Variants in ARRDC4 observed in about 807,000 individuals in gnomAD.
ARRDC4 encodes the protein arrestin domain containing 4, also known as arrestin domain-containing protein 4.
Under a neutral mutation model 44.6 loss-of-function variants are expected in ARRDC4, and 40 were observed. That is an observed-to-expected ratio of 0.90 (90% CI 0.70 to 1.17). The LOEUF (loss-of-function observed/expected upper bound fraction) is 1.17. ARRDC4 is among the 50% of genes most tolerant of loss of function. The pLI is 0.00. For missense variants in ARRDC4, 550 were observed against 559.1 expected, an observed-to-expected ratio of 0.98 and a Z score of 0.16; for synonymous variants, 211 against 221.2, an observed-to-expected ratio of 0.95 and a Z score of 0.41.
At chr15:97,971,096 T>TTTATTAA (rs1396280278) in intron 7 of ARRDC4, 35 bp from the exon 8 acceptor site, 2 of 1,606,908 alleles carry the variant, frequency 1.2e-6, no homozygotes, top group Non-Finnish European at 1.7e-6. Context: ...TAAATAATGC[T>TTTATTAA]ACAACACTAA....
Position 97,960,737 on chromosome 15 carries a change from T to A in ARRDC4, c.-125T>A. ...CTCGGCGAGCCGGTGCCCCATCGGG[T>A]ACCGCACGGCTGCCGCGGCGGCCTT... On this transcript the variant is annotated 5_prime_UTR_variant, in exon 1 of 8. Transcript: ENST00000268042. 2 of 852,526 alleles carry A rather than the reference T, an allele frequency of 2.3e-6. No homozygotes were observed. Among genetic ancestry groups the A allele is most frequent in the Non-Finnish European group, 3.1e-6 (2 of 639,572 alleles). The allele number at this position is 852,526 out of a possible 1,614,324, so 52.8% of individuals were successfully genotyped here.
In ARRDC4 at chr15:97,968,502, A is replaced by G. The variant is rs905591828; in HGVS notation, c.625+386A>G. Among the ~76,000 whole-genome samples, 13 of 152,350 alleles carry G rather than the reference A, an allele frequency of 8.5e-5. No individual in the cohort carries two copies. The highest frequency in any genetic ancestry group is 1.8e-4 in the Non-Finnish European group (12 of 68,034). The stretch of plus-strand genomic sequence containing the variant: ...ATGCTGGCTTGATATATGCAAATGC[A>G]TGGGACTGGAATGTAGTGTATTAAC... On this transcript the variant is annotated intron_variant, in intron 4 of 7. Transcript: ENST00000268042. The surrounding 1 kb of genome is among the most constrained non-coding windows in gnomAD (Gnocchi z 5.4).
Position 97,961,165 on chromosome 15 carries a change from G to T in ARRDC4, c.304G>T (p.Ala102Ser). 7.0e-7 allele frequency: 1 copy of T among 1,429,314 alleles called. No individual in the cohort carries two copies. The highest frequency in any genetic ancestry group is 9.1e-7 in the Non-Finnish European group (1 of 1,102,312). 88.5% of individuals were successfully genotyped at this position (1,429,314 alleles called of 1,614,324 possible). A position where few individuals can be genotyped will look rare whatever the true frequency, so the allele number is the denominator to read the frequency against. Residue 102 changes from alanine (A) to serine (S), a missense_variant, in exon 1 of 8, where the codon GCC (alanine) becomes TCC (serine). By Grantham distance (99) the Ala-to-Ser change is moderately conservative (BLOSUM62 1). Transcript: ENST00000268042. ...GCGCCTCAGCCTGCGGGAGCCCCCG[G>T]CCGGTAAGCGCAGGCGAGCGCCTGG... ...NVRLSLREPP[A>S]GEGIILLQPG...
rs567038248 is a variant in ARRDC4 at position 97,967,926 on chromosome 15, C to T, written c.523-88C>T. On this transcript the variant is annotated intron_variant, in intron 3 of 7. Transcript: ENST00000268042. This position sits in a 1 kb window ranked among gnomAD's most constrained non-coding sequence, Gnocchi z 5.0. ...CATTTTTTTGGTATTTCCTTACAAC[C>T]ATTCTGTGAAGATAGATATAATTTT... 3.3e-5 allele frequency: 26 copies of T among 798,406 alleles called. No individual in the cohort carries two copies. The highest frequency in any genetic ancestry group is 4.8e-5 in the Non-Finnish European group (25 of 524,472). 49.5% of individuals were successfully genotyped at this position (798,406 alleles called of 1,614,324 possible). A position where few individuals can be genotyped will look rare whatever the true frequency, so the allele number is the denominator to read the frequency against.
intron 1 of ARRDC4, among the ~76,000 whole-genome samples, chr15:97,961,852 CT>C (rs995670894): frequency 6.6e-6 from 1 of 152,136 alleles, no homozygotes; most frequent in Non-Finnish European, 1.5e-5. Context: ...CTCAAAATGC[CT>C]TTAGAGACAA....
At position 97,960,751 on chromosome 15, in the gene ARRDC4, C is replaced by G. The variant is rs964678771; in HGVS notation, c.-111C>G. 1 of 998,724 alleles carries G rather than the reference C, an allele frequency of 1.0e-6. No individual in the cohort carries two copies. Among genetic ancestry groups the G allele is most frequent in the East Asian group, 3.4e-5 (1 of 29,642 alleles). The allele number at this position is 998,724 out of a possible 1,614,324, so 61.9% of individuals were successfully genotyped here. ...GCCCCATCGGGTACCGCACGGCTGCCGCGGCGGCCTTACCCTGCCGCGAGC... is the reference window on the plus strand; with the variant it reads ...GCCCCATCGGGTACCGCACGGCTGCGGCGGCGGCCTTACCCTGCCGCGAGC... On this transcript the variant is annotated 5_prime_UTR_variant, in exon 1 of 8. Transcript: ENST00000268042.
At chr15:97,964,697 T>C (rs1378714950) in intron 1 of ARRDC4, among the ~76,000 whole-genome samples, 1 of 152,204 alleles carries the variant, frequency 6.6e-6, no homozygotes, top group East Asian at 1.9e-4. Flanking sequence ...GTAAAGCCCT[T>C]TCTGTATTCC....
At position 97,967,828 on chromosome 15, in the gene ARRDC4, G is replaced by A. The variant is rs1899443085; in HGVS notation, c.523-186G>A. Among the ~76,000 whole-genome samples the A allele has an allele frequency of 6.6e-6, 1 of 151,970 alleles. No homozygotes were observed. The highest frequency in any genetic ancestry group is 2.4e-5 in the African/African-American group (1 of 41,398). ...AAAATTCACTGTAGTTTTCCTAAAA[G>A]GGGAGTCTTAACACCCTGTGTTTTT... On this transcript the variant is annotated intron_variant, in intron 3 of 7. Coordinates refer to ENST00000268042, the MANE Select transcript of ARRDC4 (RefSeq NM_183376.3). This position sits in a 1 kb window ranked among gnomAD's most constrained non-coding sequence, Gnocchi z 5.0.
rs117226570 is a variant in ARRDC4 at position 97,963,204 on chromosome 15, G to C, written c.307+2036G>C. Among the ~76,000 whole-genome samples the C allele has an allele frequency of 5.9e-3, 891 of 152,286 alleles. 9 individuals carry two copies. Among genetic ancestry groups the C allele is most frequent in the Admixed American group, 0.011 (169 of 15,302 alleles). On this transcript the variant is annotated intron_variant, in intron 1 of 7. Transcript: ENST00000268042. ...TTTGGCTGTAAGGCCATTAGTGATT[G>C]AAACATCTTCCTGTGACTTTGTAGT...
chr15:97,969,503 G>A (rs1423689661), intron 5 of ARRDC4, 124 bp downstream of exon 5: 2 of 1,099,648 alleles, frequency 1.8e-6, no homozygotes, highest in African/African-American at 1.6e-5. Context: ...ACCAATTGGG[G>A]ACTGTATGAA....
chr15:97,970,477 G>A lies in ARRDC4; in HGVS notation c.1046-112G>A. ...TAAAACCTTGCTGATTAGAGGGAAA[G>A]AATGCCATATTTTTTATCTTCAAGT... On this transcript the variant is annotated intron_variant, in intron 6 of 7. Transcript: ENST00000268042. The surrounding 1 kb of genome is among the most constrained non-coding windows in gnomAD (Gnocchi z 4.2). 4 of 1,146,438 alleles carry A rather than the reference G, an allele frequency of 3.5e-6. No homozygotes were observed. The highest frequency in any genetic ancestry group is 4.9e-6 in the Non-Finnish European group (4 of 819,092). 71.0% of individuals were successfully genotyped at this position (1,146,438 alleles called of 1,614,324 possible).
In ARRDC4 at chr15:97,965,517, C is replaced by G; in HGVS notation, c.308-83C>G. 1 of 1,216,056 alleles carries G rather than the reference C, an allele frequency of 8.2e-7. No homozygotes were observed. The highest frequency in any genetic ancestry group is 1.2e-6 in the Non-Finnish European group (1 of 831,648). The allele number at this position is 1,216,056 out of a possible 1,614,324, so 75.3% of individuals were successfully genotyped here. ...CTGCATTTTGTAGCGAGAAAAACTT[C>G]CTTCAAAAAATTATTTACATTGTGA... On this transcript the variant is annotated intron_variant, in intron 1 of 7. Coordinates refer to ENST00000268042, the MANE Select transcript of ARRDC4 (RefSeq NM_183376.3). This position sits in a 1 kb window ranked among gnomAD's most constrained non-coding sequence, Gnocchi z 5.1.
At position 97,965,969 on chromosome 15, in the gene ARRDC4, A is replaced by G. The variant is rs756910523; in HGVS notation, c.449A>G (p.Lys150Arg). ...GTGCGGGCAGTGTTGGAACGACCCA[A>G]GGTACCTGATCAGAGTGTAAAGCGG... ...YCVRAVLERPKVPDQSVKREL... is the reference protein window; with the variant it reads ...YCVRAVLERPRVPDQSVKREL... Residue 150 changes from lysine to arginine, a missense_variant, in exon 3 of 8, where the codon AAG becomes AGG. Transcript: ENST00000268042. The surrounding 1 kb of genome is among the most constrained non-coding windows in gnomAD (Gnocchi z 5.1). 2.9e-5 allele frequency: 47 copies of G among 1,614,056 alleles called. No homozygotes were observed. The Admixed American group carries it at 7.5e-4, about 26-fold the overall frequency.
In ARRDC4 at chr15:97,971,299, C is replaced by G; in HGVS notation, c.*112C>G. ...TTCACTTGAAAACATAAATGAACGT[C>G]AAGACTGAAGGCAATAGAAATTAAA... On this transcript the variant is annotated 3_prime_UTR_variant, in exon 8 of 8. Coordinates refer to ENST00000268042, the MANE Select transcript of ARRDC4 (RefSeq NM_183376.3). 1 of 1,101,540 alleles carries G rather than the reference C, an allele frequency of 9.1e-7. No individual in the cohort carries two copies. The allele number at this position is 1,101,540 out of a possible 1,614,324, so 68.2% of individuals were successfully genotyped here. A position where few individuals can be genotyped will look rare whatever the true frequency, so the allele number is the denominator to read the frequency against.
rs913080814 is a variant in ARRDC4 at position 97,968,269 on chromosome 15, T to C, written c.625+153T>C. Among the ~76,000 whole-genome samples, 1 of 152,208 alleles carries C rather than the reference T, an allele frequency of 6.6e-6. No homozygotes were observed. Among genetic ancestry groups the C allele is most frequent in the Non-Finnish European group, 1.5e-5 (1 of 68,038 alleles). ...ACATTTTTTATATAAATAATTGATA[T>C]TTAAGTATTTTTAAAAGGAGGAATT... On this transcript the variant is annotated intron_variant, in intron 4 of 7. Transcript: ENST00000268042. This position sits in a 1 kb window ranked among gnomAD's most constrained non-coding sequence, Gnocchi z 5.4.
intron 1 of ARRDC4, among the ~76,000 whole-genome samples, chr15:97,964,186 A>G (rs1899374446): frequency 6.6e-6 from 1 of 152,170 alleles, no homozygotes. Flanking sequence ...TAAAAGTACG[A>G]AGTTGAAATG....
chr15:97,972,455 C>T lies in ARRDC4; in HGVS notation c.*1268C>T, dbSNP rs949192914. 2 of 152,532 alleles carry T rather than the reference C, an allele frequency of 1.3e-5. No individual in the cohort carries two copies. The highest frequency in any genetic ancestry group is 4.8e-5 in the African/African-American group (2 of 41,418). The allele number at this position is 152,532 out of a possible 1,614,324, so 9.4% of individuals were successfully genotyped here. On this transcript the variant is annotated 3_prime_UTR_variant, in exon 8 of 8. Coordinates refer to ENST00000268042, the MANE Select transcript of ARRDC4 (RefSeq NM_183376.3). The surrounding 1 kb of genome is among the most constrained non-coding windows in gnomAD (Gnocchi z 5.3). Reference sequence around the variant, plus strand: ...TATTATCATTTAACCTCAGGATATTCAGACCAACAGGATTGTGTTGCTGCT... The same window carrying T: ...TATTATCATTTAACCTCAGGATATTTAGACCAACAGGATTGTGTTGCTGCT...
At chr15:97,964,978 A>G (rs1899389828) in intron 1 of ARRDC4, among the ~76,000 whole-genome samples, 1 of 151,244 alleles carries the variant, frequency 6.6e-6, no homozygotes, top group Non-Finnish European at 1.5e-5. Flanking sequence ...AATGGGGGTA[A>G]GCAGTTGTGA....
Position 97,965,585 on chromosome 15 carries a change from T to G in ARRDC4, c.308-15T>G, listed in dbSNP as rs2141533802. The G allele has an allele frequency of 6.3e-7, 1 of 1,592,538 alleles. No individual in the cohort carries two copies. Among genetic ancestry groups the G allele is most frequent in the South Asian group, 1.1e-5 (1 of 90,510 alleles). ...CTAACTATCCTTCATTAAAATAAAATACAATCTCTTATAGGTGAAGGCATC... is the reference window on the plus strand; with the variant it reads ...CTAACTATCCTTCATTAAAATAAAAGACAATCTCTTATAGGTGAAGGCATC... On this transcript the variant is annotated splice_polypyrimidine_tract_variant and intron_variant, in intron 1 of 7. Transcript: ENST00000268042. This position sits in a 1 kb window ranked among gnomAD's most constrained non-coding sequence, Gnocchi z 5.1.
Sources: gnomAD v4.1 joint callset for allele counts (sites outside exome capture counted in the v4.1 genomes callset) on GRCh38, gnomAD v4.1.1 for gene constraint, Gnocchi (gnomAD v3.1) non-coding constraint, MANE v1.5 for transcripts, NCBI Gene and HGNC (gene_info 2026-07-23, HGNC 2026-07-21) for gene names.